Variants in PLEKHA5 observed in about 807,000 individuals in gnomAD.
PLEKHA5 encodes pleckstrin homology domain containing A5, also known as pleckstrin homology domain-containing family A member 5.
In PLEKHA5, 55 loss-of-function variants were observed where a neutral mutation model predicts 181.9. The ratio of observed to expected loss-of-function variants is 0.30; its 90% confidence interval spans 0.24 to 0.38. PLEKHA5 has a LOEUF of 0.38. Ranked by LOEUF, PLEKHA5 falls within the 10% of genes least tolerant of loss-of-function variation. The pLI is 1.00. For synonymous variants in PLEKHA5, 535 were observed against 529.4 expected (o/e 1.01, Z -0.15); for missense variants, 1,432 against 1,549.5 (o/e 0.92, Z 1.27).
intron 3 of PLEKHA5, among the ~76,000 whole-genome samples, chr12:19,192,303 C>A (rs980191275): frequency 1.3e-5 from 2 of 151,978 alleles, no homozygotes; most frequent in Admixed American, 6.6e-5. Context: ...AAATGAGATT[C>A]ATGAGGAAAG....
chr12:19,230,025 C>T (rs1484000840), intron 3 of PLEKHA5, among the ~76,000 whole-genome samples: 2 of 151,772 alleles, frequency 1.3e-5, no homozygotes, highest in African/African-American at 4.8e-5. Flanking sequence ...AAAGGTTCTC[C>T]AAGTCCGCAC....
intron 15 of PLEKHA5, among the ~76,000 whole-genome samples, chr12:19,298,773 T>A (rs1565583877): frequency 6.6e-6 from 1 of 152,186 alleles, no homozygotes; most frequent in Non-Finnish European, 1.5e-5. Flanking sequence ...CTATTAACGT[T>A]GGTCATGTCA....
rs188675419 is a variant in PLEKHA5, at chr12:19,205,356, G to A, written c.228-48584G>A. Reference sequence around the variant, plus strand: ...GATCACGGTGTGCCCCTTTGTCATCGTTCTGTCAGGAAGCATGTAATTTGT... The same window carrying A: ...GATCACGGTGTGCCCCTTTGTCATCATTCTGTCAGGAAGCATGTAATTTGT... On this transcript the variant is annotated intron_variant, in intron 3 of 31. Coordinates refer to ENST00000429027, the MANE Select transcript of PLEKHA5 (RefSeq NM_001256470.2). The A allele has an allele frequency of 8.6e-4, 849 of 984,372 alleles. 6 individuals carry two copies. The African/African-American group carries it at 0.014, about 16-fold the overall frequency. The allele number at this position is 984,372 out of a possible 1,614,324, so 61.0% of individuals were successfully genotyped here.
intron 31 of PLEKHA5, among the ~76,000 whole-genome samples, chr12:19,375,262 T>G (rs2095688985): frequency 6.6e-6 from 1 of 152,020 alleles, no homozygotes; most frequent in Non-Finnish European, 1.5e-5. Flanking sequence ...ACGCAGAGGT[T>G]GCAGAGAGCC....
At chr12:19,296,674 C>G (rs574767308) in intron 15 of PLEKHA5, among the ~76,000 whole-genome samples, 1 of 152,046 alleles carries the variant, frequency 6.6e-6, no homozygotes, top group Non-Finnish European at 1.5e-5. Flanking sequence ...ACTAGATCTA[C>G]GCTAGTTTCT....
intron 15 of PLEKHA5, chr12:19,307,102 A>T: frequency 9.7e-7 from 1 of 1,034,760 alleles, no homozygotes. Context: ...GCTTATGAGC[A>T]CTGTTGGTCC....
At chr12:19,137,655 A>G (rs1227954693) in intron 3 of PLEKHA5, among the ~76,000 whole-genome samples, 1 of 152,196 alleles carries the variant, frequency 6.6e-6, no homozygotes, top group African/African-American at 2.4e-5. Context: ...TATAATCCTC[A>G]CAATAGCCTT....
chr12:19,305,459 G>T (rs1482025703), intron 15 of PLEKHA5, among the ~76,000 whole-genome samples: 1 of 151,966 alleles, frequency 6.6e-6, no homozygotes, highest in African/African-American at 2.4e-5. Context: ...TACTCAGGAG[G>T]CTGAGGCAGG....
At chr12:19,273,692 C>G (rs768870292) in intron 10 of PLEKHA5, among the ~76,000 whole-genome samples, 1 of 152,164 alleles carries the variant, frequency 6.6e-6, no homozygotes, top group Non-Finnish European at 1.5e-5. Flanking sequence ...GTACAACTGT[C>G]GAGTGACCTA....
intron 11 of PLEKHA5, among the ~76,000 whole-genome samples, chr12:19,278,766 T>A (rs1396789068): frequency 6.6e-6 from 1 of 152,020 alleles, no homozygotes; most frequent in Non-Finnish European, 1.5e-5. Context: ...ATTGAACTCT[T>A]TATACTGGTT....
chr12:19,350,034 C>A (rs1296866540), intron 25 of PLEKHA5, among the ~76,000 whole-genome samples: 1 of 152,152 alleles, frequency 6.6e-6, no homozygotes, highest in Non-Finnish European at 1.5e-5. Context: ...ATCACTTGAA[C>A]CCAGGAGTCA....
At position 19,347,112 on chromosome 12, in the gene PLEKHA5, G is replaced by A. The variant is rs1326184910; in HGVS notation, c.2828G>A (p.Gly943Asp). 1.3e-6 allele frequency: 2 copies of A among 1,549,870 alleles called. No individual in the cohort carries two copies. The highest frequency in any genetic ancestry group is 4.9e-5 in the East Asian group (2 of 40,864). ...DSSSLLCYSR[G>D]PVHLPEEKKM... ...AGCTCCTTGCTCTGTTATAGCAGGG[G>A]CCCAGTTCATCTGCCTGAAGAAAAG... Residue 943 changes from glycine (G) to aspartate (D), a missense_variant, in exon 24 of 32, where the codon GGC becomes GAC. Gly to Asp is a moderately conservative substitution (Grantham distance 94). This residue lies in a region of PLEKHA5 where 1,143 missense variants were observed against 1,168.4 expected (regional missense o/e 0.98). Coordinates refer to ENST00000429027, the MANE Select transcript of PLEKHA5 (RefSeq NM_001256470.2).
intron 23 of PLEKHA5, 59 bp from the exon 24 acceptor site, chr12:19,346,935 T>G: frequency 9.0e-7 from 1 of 1,110,964 alleles, no homozygotes; most frequent in Non-Finnish European, 1.2e-6. Context: ...TGCAAAGAAT[T>G]TAGATATGCT....
chr12:19,181,487 C>G (rs1439553312), intron 3 of PLEKHA5, among the ~76,000 whole-genome samples: 1 of 152,048 alleles, frequency 6.6e-6, no homozygotes, highest in East Asian at 1.9e-4. Flanking sequence ...TTAAAAAGCC[C>G]TTTAGGGCTG....
chr12:19,306,369 T>A (rs1418209184), intron 15 of PLEKHA5: 1 of 496,418 alleles, frequency 2.0e-6, no homozygotes, highest in Admixed American at 2.4e-5. Flanking sequence ...CCAACTAGCG[T>A]GCTCTCTTCC....
intron 3 of PLEKHA5, among the ~76,000 whole-genome samples, chr12:19,165,028 A>T (rs542360949): frequency 3.9e-4 from 59 of 152,092 alleles, no homozygotes; most frequent in African/African-American, 1.4e-3. Context: ...CAAACCAACT[A>T]ACCTCCCCAA....
intron 3 of PLEKHA5, among the ~76,000 whole-genome samples, chr12:19,223,350 T>C (rs896049513): frequency 1.1e-4 from 17 of 152,324 alleles, no homozygotes; most frequent in African/African-American, 3.8e-4. Flanking sequence ...GTTTTTGTTT[T>C]TTTAAAAAGT....
chr12:19,205,301 G>A lies in PLEKHA5; in HGVS notation c.228-48639G>A, dbSNP rs1223063457. ...CTCTTGGAGACTGCGGTGTGGTTCAGTTTTCTTATAGTGGAAAGAGCAGAA... is the reference window on the plus strand; with the variant it reads ...CTCTTGGAGACTGCGGTGTGGTTCAATTTTCTTATAGTGGAAAGAGCAGAA... On this transcript the variant is annotated intron_variant, in intron 3 of 31. Coordinates refer to ENST00000429027, the MANE Select transcript of PLEKHA5 (RefSeq NM_001256470.2). The A allele has an allele frequency of 1.3e-5, 11 of 848,984 alleles. No homozygotes were observed. In the South Asian group the frequency reaches 4.9e-4, roughly 38 times the overall value. The allele number at this position is 848,984 out of a possible 1,614,324, so 52.6% of individuals were successfully genotyped here.
chr12:19,357,731 G>T (rs1383679899), intron 26 of PLEKHA5, among the ~76,000 whole-genome samples: 1 of 151,712 alleles, frequency 6.6e-6, no homozygotes, highest in Non-Finnish European at 1.5e-5. Context: ...CACCTCCTGG[G>T]CTCAAACCAT....
Sources: gnomAD v4.1 joint callset for allele counts (sites outside exome capture counted in the v4.1 genomes callset) on GRCh38, gnomAD v4.1.1 for gene constraint, gnomAD v4.1.1 regional missense constraint, MANE v1.5 for transcripts, NCBI Gene and HGNC (gene_info 2026-07-23, HGNC 2026-07-21) for gene names.